Variants in CCDC33 observed in about 807,000 individuals in gnomAD.
The protein encoded by CCDC33 is coiled-coil domain-containing protein 33.
A neutral mutation model predicts 91.9 loss-of-function variants in CCDC33; 94 were observed. The ratio of observed to expected loss-of-function variants is 1.02; its 90% CI spans 0.87 to 1.21. The LOEUF is 1.21. Ranked by LOEUF, CCDC33 falls within the 50% of genes most tolerant of loss-of-function variation. The pLI is 0.00. For synonymous variants in CCDC33, 396 were observed against 374.5 expected, an observed-to-expected ratio of 1.06 and a Z score of -0.66; for missense variants, 940 against 935.5, an observed-to-expected ratio of 1.00 and a Z score of -0.06.
At chr15:74,291,782 G>A (rs1030673382) in intron 10 of CCDC33, among the ~76,000 whole-genome samples, 14 of 152,220 alleles carry the variant, frequency 9.2e-5, no homozygotes, top group Non-Finnish European at 2.9e-5. Context: ...GTTGTGGGGA[G>A]GAGGGAGACA....
At position 74,335,911 on chromosome 15, in the gene CCDC33, T is replaced by C. The variant is rs1387364620; in HGVS notation, c.2140-14T>C. 2.5e-6 allele frequency: 4 copies of C among 1,609,686 alleles called. No homozygotes were observed. The Admixed American group carries it at 6.7e-5, about 27-fold the overall frequency. ...AATGGGGGGTACTCACGCACCCCGC[T>C]TTGCACACCACAGAGTGCCCTCACC... On this transcript the variant is annotated splice_polypyrimidine_tract_variant and intron_variant, in intron 18 of 18. Coordinates refer to ENST00000398814, the MANE Select transcript of CCDC33 (RefSeq NM_025055.5).
chr15:74,266,385 C>T (rs2076166365), intron 3 of CCDC33, among the ~76,000 whole-genome samples: 1 of 152,186 alleles, frequency 6.6e-6, no homozygotes, highest in African/African-American at 2.4e-5. Flanking sequence ...GGACTGGACT[C>T]AGTTCTGTGT....
In CCDC33 at chr15:74,268,430, A is replaced by G; in HGVS notation, c.518A>G (p.Tyr173Cys). 3.2e-6 allele frequency: 5 copies of G among 1,570,502 alleles called. No individual in the cohort carries two copies. Among genetic ancestry groups the G allele is most frequent in the Non-Finnish European group, 4.3e-6 (5 of 1,158,516 alleles). ...VVRKSSFIPR[Y>C]IGCNHMALEI... ...CGGAAGAGCAGCTTCATACCCCGCT[A>G]CATCGGCTGCAACCACATGGCTCTG... Residue 173 changes from tyrosine (Y) to cysteine (C), a missense_variant, in exon 5 of 19, where the codon TAC becomes TGC. By Grantham distance (194) the Tyr-to-Cys change is radical. Transcript: ENST00000398814.
At chr15:74,335,551 T>C (rs1490013647) in intron 18 of CCDC33, 1 of 351,878 alleles carries the variant, frequency 2.8e-6, no homozygotes, top group Non-Finnish European at 5.2e-6. Flanking sequence ...ACAGGCCTGC[T>C]CACAACTGCC....
chr15:74,295,738 C>A lies in CCDC33; in HGVS notation c.1096-16C>A, dbSNP rs768591760. ...AGGGGCCTGTCCTGAAGTTTCTCTG[C>A]ACCTTCTCTTCTCAGAGACCAGAAA... On this transcript the variant is annotated splice_polypyrimidine_tract_variant and intron_variant, in intron 10 of 18. Transcript: ENST00000398814. 6 of 1,604,468 alleles carry A rather than the reference C, an allele frequency of 3.7e-6. No homozygotes were observed. In the Admixed American group the frequency reaches 1.0e-4, roughly 27 times the overall value.
intron 1 of CCDC33, among the ~76,000 whole-genome samples, chr15:74,239,881 T>A (rs559883598): frequency 6.6e-6 from 1 of 152,216 alleles, no homozygotes; most frequent in Non-Finnish European, 1.5e-5. Context: ...TAACCCAGTA[T>A]ATGCATTTTC....
chr15:74,268,498 GGAAA>G, intron 5 of CCDC33, 40 bp downstream of exon 5: 3 of 1,429,502 alleles, frequency 2.1e-6, no homozygotes, highest in Non-Finnish European at 2.0e-6. Context: ...GGTGGGGGTG[GGAAA>G]GGGCCAAGCT....
intron 1 of CCDC33, among the ~76,000 whole-genome samples, chr15:74,243,321 G>A (rs922867261): frequency 3.3e-5 from 5 of 152,246 alleles, no homozygotes; most frequent in Admixed American, 3.3e-4. Context: ...CTGAGGTGAG[G>A]TTACAAGATA....
chr15:74,280,782 T>A lies in CCDC33; in HGVS notation c.1004T>A (p.Val335Glu). Residue 335 changes from valine (V) to glutamate (E), a missense_variant, in exon 9 of 19, where the codon GTG becomes GAG. Coordinates refer to ENST00000398814, the MANE Select transcript of CCDC33 (RefSeq NM_025055.5). The stretch of plus-strand genomic sequence containing the variant: ...GGGAAAGGCTTGGACGGGCTTCACG[T>A]GGAGCGGCTCCCCATCATGGTGAGC... ...LTGKGLDGLH[V>E]ERLPIMDTSL... The A allele has an allele frequency of 3.2e-6, 5 of 1,550,428 alleles. No individual in the cohort carries two copies. The African/African-American group carries it at 4.2e-5, about 13-fold the overall frequency.
intron 10 of CCDC33, among the ~76,000 whole-genome samples, chr15:74,291,461 G>A (rs1211475235): frequency 1.3e-5 from 2 of 152,264 alleles, no homozygotes; most frequent in African/African-American, 4.8e-5. Flanking sequence ...TAATGAGCGG[G>A]ATACAGGCGG....
At chr15:74,209,692 C>T in intron 2 of CCDC33, 1 of 511,780 alleles carries the variant, frequency 2.0e-6, no homozygotes, top group Admixed American at 3.5e-5. Context: ...CTGCATCCCC[C>T]CTCACCTGAG....
In CCDC33 at chr15:74,210,501, G is replaced by C. The variant is rs76379358; in HGVS notation, n.236+967G>C. On this transcript the variant is annotated intron_variant and non_coding_transcript_variant, in intron 2 of 3. Coordinates refer to the CCDC33 transcript ENST00000558645. ...GGTAGACATATGTGTATGTATGTGTGTACACATAAAAAGTGAATCTGGCAG... is the reference window on the plus strand; with the variant it reads ...GGTAGACATATGTGTATGTATGTGTCTACACATAAAAAGTGAATCTGGCAG... Among the ~76,000 whole-genome samples the C allele has an allele frequency of 7.2e-3, 1,090 of 152,314 alleles. 11 individuals are homozygous for C. The highest frequency in any genetic ancestry group is 0.025 in the African/African-American group (1,034 of 41,558).
intron 11 of CCDC33, among the ~76,000 whole-genome samples, chr15:74,306,728 C>G (rs117360792): frequency 0.011 from 1,634 of 152,274 alleles, 17 homozygotes; most frequent in Middle Eastern, 0.051. Context: ...GATAGGTGGA[C>G]TAGAGGACTG....
intron 2 of CCDC33, among the ~76,000 whole-genome samples, chr15:74,254,725 C>T (rs1356720549): frequency 6.8e-6 from 1 of 146,960 alleles, no homozygotes; most frequent in African/African-American, 2.7e-5. Flanking sequence ...GGCCTCTCCT[C>T]TGCATCTCTA....
In CCDC33 at chr15:74,279,558, C is replaced by T. The variant is rs146940560; in HGVS notation, c.760-405C>T. On this transcript the variant is annotated intron_variant, in intron 7 of 18. Transcript: ENST00000398814. ...TTTATTTATTTTATTTATTTAGAGACGGAGTTTCGCTCTGTCACCCAGGCT... is the reference window on the plus strand; with the variant it reads ...TTTATTTATTTTATTTATTTAGAGATGGAGTTTCGCTCTGTCACCCAGGCT... Among the ~76,000 whole-genome samples the T allele has an allele frequency of 9.7e-3, 1,482 of 152,162 alleles. 24 individuals carry two copies. Among genetic ancestry groups the T allele is most frequent in the African/African-American group, 0.033 (1,386 of 41,508 alleles).
intron 9 of CCDC33, among the ~76,000 whole-genome samples, chr15:74,281,348 A>G (rs950034392): frequency 6.6e-6 from 1 of 152,262 alleles, no homozygotes; most frequent in Non-Finnish European, 1.5e-5. Context: ...TTCCTTGCCT[A>G]TAAAATGGGT....
At position 74,280,849 on chromosome 15, in the gene CCDC33, C is replaced by T. The variant is rs781588428; in HGVS notation, c.1023+48C>T. 5.1e-6 allele frequency: 7 copies of T among 1,384,810 alleles called. No individual in the cohort carries two copies. In the South Asian group the frequency reaches 5.5e-5, roughly 11 times the overall value. The allele number at this position is 1,384,810 out of a possible 1,614,324, so 85.8% of individuals were successfully genotyped here. The stretch of plus-strand genomic sequence containing the variant: ...GGCCCCTAGCGTGCCCACCTGGCCC[C>T]ACCCTGCCTCACCCTGCCCCACCTC... On this transcript the variant is annotated intron_variant, in intron 9 of 18. Coordinates refer to ENST00000398814, the MANE Select transcript of CCDC33 (RefSeq NM_025055.5).
chr15:74,242,261 T>C (rs2075372090), intron 1 of CCDC33, among the ~76,000 whole-genome samples: 2 of 152,136 alleles, frequency 1.3e-5, no homozygotes, highest in South Asian at 2.1e-4. Context: ...GGGCCCAGCA[T>C]GGTGAGAGGC....
At chr15:74,206,054 G>A (rs992577118) in intron 1 of CCDC33, among the ~76,000 whole-genome samples, 7 of 152,226 alleles carry the variant, frequency 4.6e-5, no homozygotes, top group African/African-American at 1.4e-4. Context: ...TTTCCTCTCT[G>A]TGGGTCTCAC....
Sources: allele counts gnomAD v4.1 joint callset (sites outside exome capture counted in the v4.1 genomes callset), GRCh38; gene constraint gnomAD v4.1.1; transcripts MANE v1.5; gene names NCBI Gene and HGNC (gene_info 2026-07-23, HGNC 2026-07-21).